The following NUMB variants were observed in gnomAD, a reference collection of about 807,000 sequenced individuals.
The protein encoded by NUMB is NUMB endocytic adaptor protein, also known as protein numb homolog.
NUMB carries 29 observed loss-of-function variants against 59.7 expected under a neutral mutation model. That is an observed-to-expected ratio of 0.49 (90% CI 0.36 to 0.66). The LOEUF is 0.66. Ranked by LOEUF, NUMB falls within the 30% of genes least tolerant of loss-of-function variation. The pLI, the probability that NUMB is intolerant of heterozygous loss-of-function variation, is 0.00. For missense variants in NUMB, 723 were observed against 822.0 expected, an observed-to-expected ratio of 0.88 and a Z score of 1.47; for synonymous variants, 288 against 288.2, an observed-to-expected ratio of 1.00 and a Z score of 0.01.
chr14:73,352,492 A>G lies in NUMB; in HGVS notation c.126+3134T>C, dbSNP rs1893407411. On this transcript the variant is annotated intron_variant, in intron 4 of 12. Coordinates refer to ENST00000555238, the MANE Select transcript of NUMB (RefSeq NM_001005743.2). ...CACACACACACATATATATATATATATATATATATATATATATATATATAT... is the reference window on the plus strand; with the variant it reads ...CACACACACACATATATATATATATGTATATATATATATATATATATATAT... Among the ~76,000 whole-genome samples, 2 of 6,330 alleles carry G rather than the reference A, an allele frequency of 3.2e-4. 1 individual carries two copies. Among genetic ancestry groups the G allele is most frequent in the Non-Finnish European group, 4.7e-4 (2 of 4,222 alleles). The allele number at this position is 6,330 out of a possible 152,430, so 4.2% of individuals were successfully genotyped here. A position where few individuals can be genotyped will look rare whatever the true frequency, so the allele number is the denominator to read the frequency against.
At chr14:73,366,006 T>C (rs1671098800) in intron 3 of NUMB, among the ~76,000 whole-genome samples, 1 of 152,220 alleles carries the variant, frequency 6.6e-6, no homozygotes, top group Non-Finnish European at 1.5e-5. Flanking sequence ...ACATTTTATG[T>C]AATACATGAG....
At chr14:73,334,646 A>G (rs544595331) in intron 4 of NUMB, among the ~76,000 whole-genome samples, 10 of 152,294 alleles carry the variant, frequency 6.6e-5, no homozygotes, top group Middle Eastern at 6.8e-3. Context: ...GCTAATCTAA[A>G]ATTTTAAATG....
chr14:73,426,516 G>A (rs943412520), intron 1 of NUMB, among the ~76,000 whole-genome samples: 2 of 152,048 alleles, frequency 1.3e-5, no homozygotes, highest in African/African-American at 4.8e-5. Flanking sequence ...AGACCAGCTT[G>A]GGCAACACAT....
At chr14:73,294,950 TAAAAAAAAA>T (rs61179657) in intron 7 of NUMB, among the ~76,000 whole-genome samples, 1 of 24,374 alleles carries the variant, frequency 4.1e-5, no homozygotes, top group Non-Finnish European at 6.3e-5. Context: ...AACCCATCTC[TAAAAAAAAA>T]AAAAAAAAAA....
At chr14:73,298,014 G>A (rs1292849528) in intron 6 of NUMB, 2 of 151,348 alleles carry the variant, frequency 1.3e-5, no homozygotes, top group Non-Finnish European at 2.9e-5. Flanking sequence ...TCAGCCTCCC[G>A]ACTAGCTGGG....
At chr14:73,334,443 T>C (rs779206023) in intron 4 of NUMB, among the ~76,000 whole-genome samples, 9 of 152,208 alleles carry the variant, frequency 5.9e-5, no homozygotes, top group Non-Finnish European at 1.2e-4. Flanking sequence ...TATAGTTAAA[T>C]AGCACAGGAA....
intron 3 of NUMB, among the ~76,000 whole-genome samples, chr14:73,360,890 CTTATT>C (rs1011251685): frequency 9.9e-5 from 15 of 151,470 alleles, no homozygotes; most frequent in Admixed American, 3.3e-4. Context: ...TATCTTTTAT[CTTATT>C]TTATTTTATT....
chr14:73,288,916 G>GGT (rs1346442095), intron 8 of NUMB, among the ~76,000 whole-genome samples: 4 of 151,850 alleles, frequency 2.6e-5, no homozygotes, highest in Non-Finnish European at 5.9e-5. Context: ...GTGTGGTGGT[G>GGT]GTGTGTGTCT....
intron 2 of NUMB, among the ~76,000 whole-genome samples, chr14:73,405,435 CTTTTT>C (rs56778084): frequency 1.5e-4 from 19 of 127,416 alleles, no homozygotes; most frequent in Admixed American, 1.1e-3. Flanking sequence ...TTTTCTTTCT[CTTTTT>C]TTTTTTTTTT....
chr14:73,404,980 C>T (rs2140123399), intron 2 of NUMB, among the ~76,000 whole-genome samples: 2 of 152,160 alleles, frequency 1.3e-5, no homozygotes, highest in East Asian at 3.9e-4. Context: ...AGGCTGGTCT[C>T]GAACTCCTGA....
At chr14:73,357,923 T>TA in intron 3 of NUMB, among the ~76,000 whole-genome samples, 1 of 145,758 alleles carries the variant, frequency 6.9e-6, no homozygotes, top group Admixed American at 6.8e-5. Flanking sequence ...AAAAACAAAC[T>TA]AAAAAAACCC....
intron 2 of NUMB, among the ~76,000 whole-genome samples, chr14:73,407,869 T>C: frequency 6.6e-6 from 1 of 152,232 alleles, no homozygotes. Flanking sequence ...ACAGGCAGTT[T>C]ATATAACTGG....
chr14:73,293,206 G>A (rs1355376094), intron 7 of NUMB, among the ~76,000 whole-genome samples: 1 of 151,788 alleles, frequency 6.6e-6, no homozygotes, highest in Non-Finnish European at 1.5e-5. Context: ...AATCCTTTGG[G>A]TTTATTCCCA....
At chr14:73,306,753 T>G (rs1890457262) in intron 6 of NUMB, among the ~76,000 whole-genome samples, 1 of 152,198 alleles carries the variant, frequency 6.6e-6, no homozygotes, top group Non-Finnish European at 1.5e-5. Context: ...GTCACACAAT[T>G]TGGTAACCAT....
intron 2 of NUMB, among the ~76,000 whole-genome samples, chr14:73,371,266 T>G (rs1046914216): frequency 1.3e-5 from 2 of 152,060 alleles, no homozygotes; most frequent in Non-Finnish European, 2.9e-5. Context: ...CCGGGCTCAG[T>G]GGCTCACGCC....
At chr14:73,331,390 AAAAAATTAGCCGGGCGTGGT>A (rs893054931) in intron 4 of NUMB, among the ~76,000 whole-genome samples, 1 of 152,004 alleles carries the variant, frequency 6.6e-6, no homozygotes, top group African/African-American at 2.4e-5. Flanking sequence ...CTAAAAATAC[AAAAAATTAGCCGGGCGTGGT>A]GGTGGTGGGC....
chr14:73,352,620 C>T (rs1426184355), intron 4 of NUMB, among the ~76,000 whole-genome samples: 3 of 137,336 alleles, frequency 2.2e-5, no homozygotes, highest in East Asian at 2.2e-4. Context: ...CTTCAAGCTT[C>T]GCCTCCCTGG....
intron 3 of NUMB, among the ~76,000 whole-genome samples, chr14:73,363,216 G>A (rs551789511): frequency 6.6e-6 from 1 of 152,130 alleles, no homozygotes; most frequent in African/African-American, 2.4e-5. Flanking sequence ...AGAATCACTT[G>A]AGCCTGGGAG....
At chr14:73,403,082 A>G (rs1168425087) in intron 2 of NUMB, among the ~76,000 whole-genome samples, 3 of 152,214 alleles carry the variant, frequency 2.0e-5, no homozygotes, top group African/African-American at 7.2e-5. Context: ...ATATGACCCA[A>G]TTTTGGCCCT....
Sources: gnomAD v4.1 joint callset for allele counts (sites outside exome capture counted in the v4.1 genomes callset) on GRCh38, gnomAD v4.1.1 for gene constraint, MANE v1.5 for transcripts, NCBI Gene and HGNC (gene_info 2026-07-23, HGNC 2026-07-21) for gene names.